ADCY9: variants seen among roughly 807,000 people sequenced by gnomAD.
ADCY9 encodes the protein adenylate cyclase 9, also known as adenylate cyclase type 9.
A neutral mutation model predicts 101.5 loss-of-function variants in ADCY9; 50 were observed. The observed-to-expected ratio is 0.49, with a 90% confidence interval of 0.39 to 0.62. ADCY9 has a LOEUF of 0.62. Ranked by LOEUF, ADCY9 falls within the 20% of genes least tolerant of loss-of-function variation. ADCY9 has a pLI of 0.00. For synonymous variants in ADCY9, 905 were observed against 769.3 expected, an observed-to-expected ratio of 1.18 and a Z score of -2.92; for missense variants, 1,662 against 1,800.4, an observed-to-expected ratio of 0.92 and a Z score of 1.39.
Position 3,993,385 on chromosome 16 carries a change from CA to C in ADCY9, c.1989+20del. 6.2e-7 allele frequency: 1 copy of C among 1,611,606 alleles called. No individual in the cohort carries two copies. The highest frequency in any genetic ancestry group is 2.2e-5 in the East Asian group (1 of 44,804). ...GCGCCAGGAGAGGAACTGACAGGAA[CA>C]ACAGCCATGAGCTTGTTACCTTGGT... On this transcript the variant is annotated intron_variant, in intron 4 of 10. Transcript: ENST00000294016.
chr16:4,038,623 A>C (rs190253995), intron 2 of ADCY9, among the ~76,000 whole-genome samples: 1 of 152,166 alleles, frequency 6.6e-6, no homozygotes, highest in Non-Finnish European at 1.5e-5. Context: ...CACTCTTTGC[A>C]GTATGAAGTC....
downstream of ADCY9, among the ~76,000 whole-genome samples, chr16:3,961,205 T>G (rs776992995): frequency 1.3e-4 from 20 of 151,694 alleles, no homozygotes; most frequent in Non-Finnish European, 2.7e-4. Flanking sequence ...CCCAGCACTT[T>G]GGGAGGCTGA....
chr16:4,015,145 G>A (rs1225081164), intron 2 of ADCY9, among the ~76,000 whole-genome samples: 3 of 151,496 alleles, frequency 2.0e-5, no homozygotes, highest in Non-Finnish European at 4.4e-5. Context: ...GTTTCACCGT[G>A]TTAGCCAGGA....
In ADCY9 at chr16:4,086,508, C is replaced by T. The variant is rs183037506; in HGVS notation, c.1693+27242G>A. Among the ~76,000 whole-genome samples the T allele has an allele frequency of 1.2e-4, 19 of 152,104 alleles. No homozygotes were observed. In the East Asian group the frequency reaches 3.7e-3, roughly 29 times the overall value. ...ATGGACGTGAGGAGACGTCAGTGTC[C>T]AAAGAGGGCCCATCAGCCCAGAGAA... On this transcript the variant is annotated intron_variant, in intron 2 of 10. Transcript: ENST00000294016.
intron 2 of ADCY9, among the ~76,000 whole-genome samples, chr16:4,039,319 T>C (rs2056611356): frequency 6.6e-6 from 1 of 152,134 alleles, no homozygotes; most frequent in Non-Finnish European, 1.5e-5. Flanking sequence ...CCATTTTAGG[T>C]GTTCTGCTAC....
At chr16:4,019,446 T>C (rs2056460375) in intron 2 of ADCY9, among the ~76,000 whole-genome samples, 1 of 152,214 alleles carries the variant, frequency 6.6e-6, no homozygotes, top group African/African-American at 2.4e-5. Flanking sequence ...AGTTGTGGAC[T>C]CAATGCACAA....
At chr16:4,052,893 T>G (rs907905187) in intron 2 of ADCY9, among the ~76,000 whole-genome samples, 1 of 152,200 alleles carries the variant, frequency 6.6e-6, no homozygotes, top group African/African-American at 2.4e-5. Context: ...AGTCACACAT[T>G]GCATAATCAC....
intron 2 of ADCY9, among the ~76,000 whole-genome samples, chr16:4,043,143 A>T (rs2056638952): frequency 6.6e-6 from 1 of 151,846 alleles, no homozygotes; most frequent in Non-Finnish European, 1.5e-5. Context: ...AGGCAGGAGA[A>T]TGGCGTGAAC....
At position 4,103,632 on chromosome 16, in the gene ADCY9, C is replaced by T. The variant is rs2057057700; in HGVS notation, c.1693+10118G>A. Among the ~76,000 whole-genome samples the T allele has an allele frequency of 2.0e-5, 3 of 152,282 alleles. No homozygotes were observed. In the South Asian group the frequency reaches 6.2e-4, roughly 32 times the overall value. ...ATCACCTGAGGTCAGGAGTTCAAGA[C>T]CAGCCTGGCCAATATGGCGAAACCC... On this transcript the variant is annotated intron_variant, in intron 2 of 10. Transcript: ENST00000294016.
intron 2 of ADCY9, among the ~76,000 whole-genome samples, chr16:4,112,817 G>C (rs1480618211): frequency 1.3e-5 from 2 of 152,116 alleles, no homozygotes; most frequent in Non-Finnish European, 2.9e-5. Flanking sequence ...TTAAAAAGGA[G>C]GAAGTGGGGG....
intron 2 of ADCY9, among the ~76,000 whole-genome samples, chr16:4,061,540 G>C (rs941699131): frequency 2.6e-5 from 4 of 152,026 alleles, no homozygotes; most frequent in African/African-American, 4.8e-5. Context: ...AATTAACAGA[G>C]ACCAGAAAAC....
At chr16:4,040,688 C>T (rs1159937619) in intron 2 of ADCY9, among the ~76,000 whole-genome samples, 1 of 152,136 alleles carries the variant, frequency 6.6e-6, no homozygotes, top group Non-Finnish European at 1.5e-5. Context: ...AACTCCTGAC[C>T]TCAGGTGATC....
chr16:4,061,115 T>A (rs932970992), intron 2 of ADCY9, among the ~76,000 whole-genome samples: 1 of 150,830 alleles, frequency 6.6e-6, no homozygotes, highest in East Asian at 1.9e-4. Flanking sequence ...AACAACAGAG[T>A]TGACATGGGA....
At chr16:3,982,954 C>T in intron 7 of ADCY9, 3 of 509,058 alleles carry the variant, frequency 5.9e-6, no homozygotes, top group African/African-American at 1.9e-5. Flanking sequence ...TTCTCCTTTG[C>T]AGTCTCTGAA....
chr16:3,979,650 G>A (rs1024393043), intron 7 of ADCY9, among the ~76,000 whole-genome samples: 1 of 152,230 alleles, frequency 6.6e-6, no homozygotes, highest in Admixed American at 6.5e-5. Flanking sequence ...AGGTCTTGAC[G>A]GGGGCAGCTT....
chr16:3,975,845 A>G (rs1478488951), intron 9 of ADCY9, among the ~76,000 whole-genome samples: 2 of 152,224 alleles, frequency 1.3e-5, no homozygotes, highest in Non-Finnish European at 1.5e-5. Flanking sequence ...TGGGTTTAAG[A>G]TATCACGAAA....
chr16:4,024,514 T>C (rs1375626573), intron 2 of ADCY9, among the ~76,000 whole-genome samples: 5 of 152,106 alleles, frequency 3.3e-5, no homozygotes, highest in Non-Finnish European at 7.4e-5. Flanking sequence ...GTTTCACCAA[T>C]TTTTCACCTG....
chr16:4,001,129 C>T (rs2056327526), intron 3 of ADCY9, among the ~76,000 whole-genome samples: 1 of 152,172 alleles, frequency 6.6e-6, no homozygotes, highest in Admixed American at 6.5e-5. Flanking sequence ...CAAAGCAACT[C>T]ATGCTGGCGC....
At chr16:4,048,398 C>T (rs1470198107) in intron 2 of ADCY9, among the ~76,000 whole-genome samples, 1 of 152,180 alleles carries the variant, frequency 6.6e-6, no homozygotes, top group African/African-American at 2.4e-5. Context: ...ACAGTTTATT[C>T]CTGGGTCACA....
Sources: allele counts gnomAD v4.1 joint callset (sites outside exome capture counted in the v4.1 genomes callset), GRCh38; gene constraint gnomAD v4.1.1; transcripts MANE v1.5; gene names NCBI Gene and HGNC (gene_info 2026-07-23, HGNC 2026-07-21).